The following ADAM12 variants were observed in gnomAD, a reference collection of about 807,000 sequenced individuals.
The protein encoded by ADAM12 is ADAM metallopeptidase domain 12, also known as disintegrin and metalloproteinase domain-containing protein 12.
A neutral mutation model predicts 106.4 loss-of-function variants in ADAM12; 70 were observed. The ratio of observed to expected loss-of-function variants is 0.66; its 90% CI spans 0.54 to 0.80. The LOEUF (loss-of-function observed/expected upper bound fraction) is 0.80. ADAM12 is among the 30% of genes least tolerant of loss of function. The pLI is 0.00. For missense variants in ADAM12, 1,010 were observed against 1,171.9 expected (o/e 0.86, Z 2.02); for synonymous variants, 420 against 433.5 (o/e 0.97, Z 0.39).
chr10:126,060,436 G>C (rs1289670319), intron 14 of ADAM12, among the ~76,000 whole-genome samples: 1 of 152,168 alleles, frequency 6.6e-6, no homozygotes, highest in East Asian at 1.9e-4. Context: ...GGTCACTGGG[G>C]TGCAAATGTC....
intron 3 of ADAM12, among the ~76,000 whole-genome samples, chr10:126,215,709 C>T (rs1957975162): frequency 1.3e-5 from 2 of 152,166 alleles, no homozygotes; most frequent in Admixed American, 1.3e-4. Context: ...AAATGCAAAA[C>T]TGAAGCCTGC....
In ADAM12 at chr10:126,036,219, A is replaced by AG. The variant is rs781253822; in HGVS notation, c.2455dup (p.Leu819ProfsTer9). On this transcript the variant is annotated frameshift_variant, in exon 21 of 23. Transcript: ENST00000448723. LOFTEE classifies it high-confidence loss of function. The stretch of plus-strand genomic sequence containing the variant: ...GCTAGGTGCACGTGGAGCCCGGTGG[A>AG]GGGGAGGAAGCACTCGCTGAGTTGA... 7.1e-6 allele frequency: 11 copies of AG among 1,550,170 alleles called. No homozygotes were observed. Among genetic ancestry groups the AG allele is most frequent in the Non-Finnish European group, 9.5e-6 (11 of 1,153,480 alleles).
At chr10:126,242,897 G>A (rs572925809) in intron 3 of ADAM12, among the ~76,000 whole-genome samples, 2 of 152,206 alleles carry the variant, frequency 1.3e-5, no homozygotes, top group African/African-American at 4.8e-5. Flanking sequence ...TTATGATCTC[G>A]TATAAGAGAT....
intron 21 of ADAM12, 113 bp downstream of exon 21, chr10:126,036,033 C>G: frequency 2.1e-6 from 2 of 961,506 alleles, no homozygotes; most frequent in Non-Finnish European, 2.7e-6. Context: ...GCTGAATTAT[C>G]TCCATTTTAC....
intron 4 of ADAM12, among the ~76,000 whole-genome samples, chr10:126,138,817 C>CTTTTTTTT (rs71486579): frequency 2.3e-5 from 3 of 127,944 alleles, no homozygotes; most frequent in African/African-American, 3.4e-5. Context: ...CTACACATAT[C>CTTTTTTTT]TTTTTCTTTT....
chr10:126,190,223 A>G (rs1957474386), intron 3 of ADAM12, among the ~76,000 whole-genome samples: 1 of 148,392 alleles, frequency 6.7e-6, no homozygotes, highest in African/African-American at 2.5e-5. Context: ...TTTTTTTTAG[A>G]CGGAGTCTCA....
At chr10:126,296,632 A>G (rs1466751714) in intron 2 of ADAM12, among the ~76,000 whole-genome samples, 4 of 152,124 alleles carry the variant, frequency 2.6e-5, no homozygotes, top group African/African-American at 9.7e-5. Context: ...AAATGTAACC[A>G]TGGTTGGAGT....
At chr10:126,054,392 G>A (rs577505215) in intron 14 of ADAM12, among the ~76,000 whole-genome samples, 7 of 152,334 alleles carry the variant, frequency 4.6e-5, no homozygotes, top group Admixed American at 2.6e-4. Context: ...GATGATGAGC[G>A]CCAAAGCGCC....
intron 8 of ADAM12, among the ~76,000 whole-genome samples, chr10:126,106,593 C>T (rs1271336067): frequency 4.0e-5 from 6 of 149,968 alleles, no homozygotes; most frequent in African/African-American, 1.5e-4. Flanking sequence ...TCAAGCAATT[C>T]TCCTGCCTCA....
At chr10:126,068,023 C>A (rs1443327008) in intron 12 of ADAM12, among the ~76,000 whole-genome samples, 1 of 152,142 alleles carries the variant, frequency 6.6e-6, no homozygotes. Context: ...TTCTATTATA[C>A]AGACTTCCAA....
chr10:126,241,714 G>A (rs533159469), intron 3 of ADAM12, among the ~76,000 whole-genome samples: 5 of 152,324 alleles, frequency 3.3e-5, no homozygotes, highest in East Asian at 1.9e-4. Context: ...GTGTCCTCAC[G>A]TATAAAACGG....
chr10:126,246,816 T>C (rs1479265358), intron 3 of ADAM12, among the ~76,000 whole-genome samples: 1 of 150,278 alleles, frequency 6.7e-6, no homozygotes, highest in Admixed American at 6.6e-5. Context: ...CTTTGAAAAC[T>C]AGCACAAGAC....
intron 3 of ADAM12, among the ~76,000 whole-genome samples, chr10:126,215,726 A>G (rs1957975727): frequency 6.6e-6 from 1 of 152,190 alleles, no homozygotes; most frequent in African/African-American, 2.4e-5. Context: ...CTGCAATGAA[A>G]AATAAGCCAT....
intron 3 of ADAM12, among the ~76,000 whole-genome samples, chr10:126,186,496 C>T (rs1957401355): frequency 6.6e-6 from 1 of 152,182 alleles, no homozygotes; most frequent in South Asian, 2.1e-4. Context: ...AAAGTTCAGC[C>T]CAACACACTG....
chr10:126,036,167 C>A lies in ADAM12; in HGVS notation c.2508G>T (p.Lys836Asn). The A allele has an allele frequency of 1.3e-6, 2 of 1,494,330 alleles. No homozygotes were observed. Among genetic ancestry groups the A allele is most frequent in the South Asian group, 1.4e-5 (1 of 72,840 alleles). The allele number at this position is 1,494,330 out of a possible 1,614,324, so 92.6% of individuals were successfully genotyped here. ...PSVPARPLPAKPALRQAQGTC... is the reference protein window; with the variant it reads ...PSVPARPLPANPALRQAQGTC... ...ATACCTGGGCCTGCCTAAGTGCAGG[C>A]TTGGCTGGCAGGGGTCTGGCAGGGA... The change falls in exon 21 of 23, where the codon AAG (lysine) becomes AAT (asparagine). Residue 836 changes from lysine to asparagine, a missense_variant. This residue lies in a region of ADAM12 where 615 missense variants were observed against 708.5 expected (regional missense o/e 0.87). Coordinates refer to ENST00000448723, the MANE Select transcript of ADAM12 (RefSeq NM_001288973.2).
chr10:126,201,187 G>T (rs116380733), intron 3 of ADAM12, among the ~76,000 whole-genome samples: 1,916 of 152,216 alleles, frequency 0.013, 36 homozygotes, highest in African/African-American at 0.044. Flanking sequence ...AAAAAGATAC[G>T]TTTAACTCCT....
chr10:126,211,735 C>A (rs1373862122), intron 3 of ADAM12, among the ~76,000 whole-genome samples: 1 of 152,154 alleles, frequency 6.6e-6, no homozygotes, highest in Admixed American at 6.5e-5. Flanking sequence ...GCTGAATCCG[C>A]AAATAGTCAT....
intron 1 of ADAM12, among the ~76,000 whole-genome samples, chr10:126,366,223 G>A (rs1295089360): frequency 6.6e-6 from 1 of 152,094 alleles, no homozygotes; most frequent in Non-Finnish European, 1.5e-5. Flanking sequence ...AAAAGAGAAT[G>A]GATTCCTATC....
chr10:126,123,086 T>A (rs920547927), intron 5 of ADAM12, among the ~76,000 whole-genome samples: 2 of 152,236 alleles, frequency 1.3e-5, no homozygotes, highest in African/African-American at 2.4e-5. Context: ...TTCCCTTTAC[T>A]GCAAACAATT....
Sources: allele counts gnomAD v4.1 joint callset (sites outside exome capture counted in the v4.1 genomes callset), GRCh38; gene constraint gnomAD v4.1.1; regional missense constraint gnomAD v4.1.1; transcripts MANE v1.5; gene names NCBI Gene and HGNC (gene_info 2026-07-23, HGNC 2026-07-21).